IL1RAPL1: variants seen among roughly 807,000 people sequenced by gnomAD.
IL1RAPL1 encodes the protein interleukin-1 receptor accessory protein-like 1.
In IL1RAPL1, 3 loss-of-function variants were observed where a neutral mutation model predicts 48.4. The ratio of observed to expected loss-of-function variants is 0.06; its 90% CI spans 0.03 to 0.16. The LOEUF (loss-of-function observed/expected upper bound fraction) is 0.16, where lower values mean the gene tolerates loss of function less well. Among genes scored for constraint, IL1RAPL1 ranks in the 10% least tolerant of loss-of-function variants. The pLI, the probability that IL1RAPL1 is intolerant of heterozygous loss-of-function variation, is 1.00. For synonymous variants in IL1RAPL1, 185 were observed against 187.7 expected, an observed-to-expected ratio of 0.99 and a Z score of 0.12; for missense variants, 349 against 530.6, an observed-to-expected ratio of 0.66 and a Z score of 3.36.
At chrX:29,400,611 T>G (rs1226509660) in intron 5 of IL1RAPL1, among the ~76,000 whole-genome samples, 1 of 112,302 alleles carries the variant, frequency 8.9e-6, no homozygotes, top group African/African-American at 3.2e-5. Flanking sequence ...TGTTTTAAAT[T>G]AAACAGAGTT....
At chrX:29,158,931 T>TCCC (rs1176557881) in intron 2 of IL1RAPL1, among the ~76,000 whole-genome samples, 2 of 55,677 alleles carry the variant, frequency 3.6e-5, no homozygotes, top group Non-Finnish European at 6.8e-5. Context: ...TCTCTCTCTC[T>TCCC]CCCCCCCCCT....
intron 1 of IL1RAPL1, among the ~76,000 whole-genome samples, chrX:28,692,287 G>A (rs1462799986): frequency 9.0e-6 from 1 of 111,075 alleles, no homozygotes; most frequent in East Asian, 2.8e-4. Flanking sequence ...TTAAATATGA[G>A]ATTTAGGGGG....
chrX:29,644,953 T>C (rs1289248982), intron 5 of IL1RAPL1, among the ~76,000 whole-genome samples: 1 of 113,214 alleles, frequency 8.8e-6, no homozygotes, highest in Non-Finnish European at 1.9e-5. Context: ...GGTCTTGCCC[T>C]ATGGCACCAG....
chrX:29,150,750 C>T (rs1477788361), intron 2 of IL1RAPL1, among the ~76,000 whole-genome samples: 4 of 108,734 alleles, frequency 3.7e-5, no homozygotes, highest in African/African-American at 1.3e-4. Context: ...GGTGAAACCC[C>T]GTCTCTACTA....
intron 6 of IL1RAPL1, among the ~76,000 whole-genome samples, chrX:29,709,338 G>A (rs1927279509): frequency 9.0e-6 from 1 of 111,485 alleles, no homozygotes; most frequent in African/African-American, 3.3e-5. Flanking sequence ...CATATACGGT[G>A]TTCAGTTTCA....
chrX:29,539,246 G>A (rs901470222), intron 5 of IL1RAPL1, among the ~76,000 whole-genome samples: 5 of 111,579 alleles, frequency 4.5e-5, no homozygotes, highest in African/African-American at 1.3e-4. Flanking sequence ...GGGATGCAAC[G>A]TTGGTTTAAC....
chrX:29,106,367 G>A (rs962837993), intron 2 of IL1RAPL1, among the ~76,000 whole-genome samples: 6 of 110,935 alleles, frequency 5.4e-5, no homozygotes, highest in African/African-American at 2.0e-4. Flanking sequence ...ATTCTTAAGG[G>A]CAACAGGGAT....
At chrX:29,213,037 C>T (rs1206067563) in intron 2 of IL1RAPL1, among the ~76,000 whole-genome samples, 2 of 111,269 alleles carry the variant, frequency 1.8e-5, no homozygotes, top group Non-Finnish European at 3.8e-5. Context: ...TTGCTGTTGT[C>T]TTCCAGGCTG....
At chrX:29,803,238 TATATGTATACATATAC>T (rs1930100709) in intron 6 of IL1RAPL1, among the ~76,000 whole-genome samples, 7 of 35,981 alleles carry the variant, frequency 1.9e-4, no homozygotes, top group African/African-American at 8.4e-4. Context: ...CACACATGTA[TATATGTATACATATAC>T]ACACATGTAT....
At chrX:28,605,958 T>C (rs947397176) in intron 1 of IL1RAPL1, among the ~76,000 whole-genome samples, 3 of 110,943 alleles carry the variant, frequency 2.7e-5, no homozygotes, top group Admixed American at 1.9e-4. Context: ...CCTGTCATCT[T>C]CTCCATGAGA....
chrX:29,624,127 G>A (rs1924547146), intron 5 of IL1RAPL1, among the ~76,000 whole-genome samples: 1 of 112,096 alleles, frequency 8.9e-6, no homozygotes, highest in African/African-American at 3.2e-5. Context: ...CTTTAGAGCT[G>A]TGATGCAAGC....
intron 2 of IL1RAPL1, among the ~76,000 whole-genome samples, chrX:28,855,685 A>G (rs146756912): frequency 2.7e-5 from 3 of 111,265 alleles, no homozygotes; most frequent in African/African-American, 9.8e-5. Flanking sequence ...GTTTCTTTAC[A>G]GTTCATTATA....
chrX:28,836,396 CAG>C (rs1186556525), intron 2 of IL1RAPL1, among the ~76,000 whole-genome samples: 3 of 97,322 alleles, frequency 3.1e-5, no homozygotes, highest in Non-Finnish European at 6.1e-5. Flanking sequence ...GACAGACAGA[CAG>C]AGAGAGAGAG....
chrX:28,939,369 A>T (rs1001974207), intron 2 of IL1RAPL1, among the ~76,000 whole-genome samples: 1 of 111,261 alleles, frequency 9.0e-6, no homozygotes, highest in Non-Finnish European at 1.9e-5. Context: ...GAGTGATATC[A>T]TGTCTTTTGC....
intron 1 of IL1RAPL1, among the ~76,000 whole-genome samples, chrX:28,615,265 G>T (rs1165824230): frequency 3.3e-5 from 3 of 90,748 alleles, no homozygotes; most frequent in Non-Finnish European, 6.2e-5. Context: ...TACTCATAGG[G>T]TTGATATTAA....
intron 5 of IL1RAPL1, among the ~76,000 whole-genome samples, chrX:29,632,816 A>G (rs914188816): frequency 8.9e-6 from 1 of 111,779 alleles, no homozygotes; most frequent in Non-Finnish European, 1.9e-5. Context: ...ACAGACACTA[A>G]TGATTTTATG....
At chrX:29,612,418 A>G (rs1335522449) in intron 5 of IL1RAPL1, among the ~76,000 whole-genome samples, 1 of 111,176 alleles carries the variant, frequency 9.0e-6, no homozygotes, top group African/African-American at 3.3e-5. Flanking sequence ...TTTATTAAAA[A>G]AAAAAAAGGA....
At chrX:29,646,343 T>C (rs753109121) in intron 5 of IL1RAPL1, among the ~76,000 whole-genome samples, 1 of 111,685 alleles carries the variant, frequency 9.0e-6, no homozygotes, top group Non-Finnish European at 1.9e-5. Flanking sequence ...TCAACAAAAG[T>C]ATTCATCAAG....
intron 2 of IL1RAPL1, among the ~76,000 whole-genome samples, chrX:29,019,644 G>T (rs1380153498): frequency 9.0e-6 from 1 of 111,707 alleles, no homozygotes; most frequent in African/African-American, 3.3e-5. Context: ...TGTGTTTAAG[G>T]TCTGTATAAC....
Sources: gnomAD v4.1 joint callset for allele counts (sites outside exome capture counted in the v4.1 genomes callset) on GRCh38, gnomAD v4.1.1 for gene constraint, MANE v1.5 for transcripts, NCBI Gene and HGNC (gene_info 2026-07-23, HGNC 2026-07-21) for gene names.